Variants in PODXL2 observed in about 807,000 individuals in gnomAD.
PODXL2 encodes the protein podocalyxin-like protein 2.
Under a neutral mutation model 53.4 loss-of-function variants are expected in PODXL2, and 17 were observed. That is an observed-to-expected ratio of 0.32 (90% CI 0.22 to 0.48). The LOEUF (loss-of-function observed/expected upper bound fraction) is 0.48, where lower values mean the gene tolerates loss of function less well. Ranked by LOEUF, PODXL2 falls within the 20% of genes least tolerant of loss-of-function variation. PODXL2 has a pLI of 0.99. For synonymous variants in PODXL2, 311 were observed against 306.7 expected, an observed-to-expected ratio of 1.01 and a Z score of -0.15; for missense variants, 673 against 760.0, an observed-to-expected ratio of 0.89 and a Z score of 1.35.
At chr3:127,667,840 A>G (rs1033406300) in intron 4 of PODXL2, among the ~76,000 whole-genome samples, 12 of 152,210 alleles carry the variant, frequency 7.9e-5, no homozygotes, top group African/African-American at 2.9e-4. Flanking sequence ...ACAAGAGCAC[A>G]CAGATGGCTT....
intron 2 of PODXL2, among the ~76,000 whole-genome samples, chr3:127,640,652 G>C (rs1183469275): frequency 6.6e-6 from 1 of 151,760 alleles, no homozygotes; most frequent in Admixed American, 6.6e-5. Context: ...AGTGAGCTGA[G>C]ATCGCACCAC....
chr3:127,660,271 C>T, intron 2 of PODXL2, 107 bp from the exon 3 acceptor site: 1 of 1,444,552 alleles, frequency 6.9e-7, no homozygotes, highest in Non-Finnish European at 9.4e-7. Context: ...CTGATGACCC[C>T]TGCCCTGTCA....
intron 2 of PODXL2, among the ~76,000 whole-genome samples, chr3:127,648,540 A>G (rs943240202): frequency 3.9e-5 from 6 of 152,224 alleles, no homozygotes; most frequent in African/African-American, 1.4e-4. Context: ...TAAAACAGCA[A>G]TTAAAAGAAG....
chr3:127,640,011 C>G (rs1056223274), intron 2 of PODXL2, among the ~76,000 whole-genome samples: 1 of 152,190 alleles, frequency 6.6e-6, no homozygotes, highest in African/African-American at 2.4e-5. Flanking sequence ...TGAGTCTATC[C>G]GACCAGCAAT....
intron 2 of PODXL2, among the ~76,000 whole-genome samples, chr3:127,652,005 G>C (rs1056602058): frequency 3.9e-5 from 6 of 152,224 alleles, no homozygotes; most frequent in Non-Finnish European, 8.8e-5. Flanking sequence ...CAAAGGTACG[G>C]GCAGACTGGG....
chr3:127,634,889 G>A (rs910367052), intron 1 of PODXL2, among the ~76,000 whole-genome samples: 2 of 152,292 alleles, frequency 1.3e-5, no homozygotes, highest in Admixed American at 1.3e-4. Context: ...GGCAGTGTTC[G>A]GGACAGATGA....
At chr3:127,670,939 C>T (rs919180389) in intron 6 of PODXL2, among the ~76,000 whole-genome samples, 1 of 152,236 alleles carries the variant, frequency 6.6e-6, no homozygotes, top group African/African-American at 2.4e-5. Flanking sequence ...CCCATGTGGC[C>T]TGCATGCCCT....
rs576099426 is a variant in PODXL2, at chr3:127,648,649, C to T, written c.349+9126C>T. On this transcript the variant is annotated intron_variant, in intron 2 of 7. Transcript: ENST00000342480. ...TTTTTTTTTTTTTGAGACAGTCTCA[C>T]TCTTTGCCCAGGCTGGAGTGCAGTG... Among the ~76,000 whole-genome samples the T allele has an allele frequency of 5.3e-3, 807 of 151,498 alleles. 7 individuals are homozygous for T. Among genetic ancestry groups the T allele is most frequent in the African/African-American group, 0.018 (755 of 41,286 alleles).
rs2074772804 is a variant in PODXL2, at chr3:127,662,273, A to G, written c.1168A>G (p.Asn390Asp). ...CKDWSNLAGK[N>D]YIILNMTENI... The stretch of plus-strand genomic sequence containing the variant: ...GGACTGGAGCAATCTGGCTGGGAAA[A>G]ACTACATCATTCTGAACATGACAGA... Residue 390 changes from asparagine to aspartate, a missense_variant, in exon 4 of 8, where the codon AAC becomes GAC. Physicochemically the swap from Asn to Asp is conservative, Grantham distance 23. Around this residue, in one of 3 missense-constraint regions of PODXL2, gnomAD observed 588 missense variants for 668.3 expected, o/e 0.88. Coordinates refer to ENST00000342480, the MANE Select transcript of PODXL2 (RefSeq NM_015720.4). The G allele has an allele frequency of 6.2e-7, 1 of 1,614,026 alleles. No individual in the cohort carries two copies. Among genetic ancestry groups the G allele is most frequent in the Non-Finnish European group, 8.5e-7 (1 of 1,179,972 alleles).
chr3:127,648,133 G>T (rs2074667091), intron 2 of PODXL2, among the ~76,000 whole-genome samples: 1 of 152,214 alleles, frequency 6.6e-6, no homozygotes, highest in Non-Finnish European at 1.5e-5. Context: ...AGATTTAAAA[G>T]TGGCTCTAAA....
chr3:127,643,086 A>G (rs910224209), intron 2 of PODXL2, among the ~76,000 whole-genome samples: 2 of 152,190 alleles, frequency 1.3e-5, no homozygotes, highest in African/African-American at 4.8e-5. Flanking sequence ...ATCCCTGTAC[A>G]AATCTGAAAA....
At chr3:127,668,116 G>GTA (rs2074806037) in intron 4 of PODXL2, among the ~76,000 whole-genome samples, 1 of 146,230 alleles carries the variant, frequency 6.8e-6, no homozygotes, top group Non-Finnish European at 1.5e-5. Flanking sequence ...GTGTGTGTGT[G>GTA]TGTGTGTGTG....
chr3:127,666,505 T>G (rs2074795656), intron 4 of PODXL2, among the ~76,000 whole-genome samples: 1 of 152,170 alleles, frequency 6.6e-6, no homozygotes, highest in African/African-American at 2.4e-5. Flanking sequence ...CTGCCCAGGC[T>G]CACGTGATCC....
chr3:127,639,303 C>G lies in PODXL2; in HGVS notation c.129C>G (p.Thr43=). ...GSDEPGPEGL[T]STSLLDLLLP... is the part of the protein sequence containing the mutation. ...ATGAGCCTGGCCCAGAGGGCCTCAC[C>G]TCCACCTCCCTGCTAGACCTCCTGC... The change falls in exon 2 of 8, where the codon ACC becomes ACG. Residue 43 remains threonine (T), a synonymous_variant. Coordinates refer to ENST00000342480, the MANE Select transcript of PODXL2 (RefSeq NM_015720.4). The G allele has an allele frequency of 6.2e-7, 1 of 1,613,714 alleles. No homozygotes were observed. Among genetic ancestry groups the G allele is most frequent in the African/African-American group, 1.3e-5 (1 of 75,048 alleles).
intron 6 of PODXL2, among the ~76,000 whole-genome samples, chr3:127,670,413 G>T (rs142488139): frequency 1.3e-5 from 2 of 152,326 alleles, no homozygotes; most frequent in East Asian, 3.9e-4. Context: ...GGCTGCTGGT[G>T]GAAGTGTGGG....
intron 2 of PODXL2, among the ~76,000 whole-genome samples, chr3:127,659,337 G>A (rs2074747152): frequency 6.6e-6 from 1 of 152,018 alleles, no homozygotes; most frequent in Admixed American, 6.6e-5. Flanking sequence ...TGCTTTCCAT[G>A]TTCCCAGAAA....
At chr3:127,646,008 C>T (rs2074655469) in intron 2 of PODXL2, among the ~76,000 whole-genome samples, 1 of 152,198 alleles carries the variant, frequency 6.6e-6, no homozygotes, top group African/African-American at 2.4e-5. Context: ...GGACATTGAA[C>T]TCCATGCAGC....
chr3:127,640,628 G>A (rs142411318), intron 2 of PODXL2, among the ~76,000 whole-genome samples: 6,316 of 152,108 alleles, frequency 0.042, 174 homozygotes, highest in Non-Finnish European at 0.067. Flanking sequence ...TTGAACCCGG[G>A]AGGTGGAGGT....
chr3:127,669,673 C>T (rs776518183), intron 6 of PODXL2, among the ~76,000 whole-genome samples: 2 of 152,212 alleles, frequency 1.3e-5, no homozygotes, highest in Admixed American at 6.5e-5. Context: ...GGTGCTTGCA[C>T]GGCCAGGCCC....
Sources: gnomAD v4.1 joint callset for allele counts (sites outside exome capture counted in the v4.1 genomes callset) on GRCh38, gnomAD v4.1.1 for gene constraint, gnomAD v4.1.1 regional missense constraint, MANE v1.5 for transcripts, NCBI Gene and HGNC (gene_info 2026-07-23, HGNC 2026-07-21) for gene names.